Variants in RPL3 observed in about 807,000 individuals in gnomAD.
The protein encoded by RPL3 is large ribosomal subunit protein uL3.
RPL3 carries 3 observed loss-of-function variants against 46.0 expected under a neutral mutation model. The observed-to-expected ratio is 0.07, with a 90% CI of 0.03 to 0.17. RPL3 has a LOEUF of 0.17. RPL3 is among the 10% of genes least tolerant of loss of function. The probability of loss-of-function intolerance (pLI) is 1.00; values close to 1 mark genes in which losing one functional copy is unlikely to be tolerated. For missense variants in RPL3, 387 were observed against 532.7 expected, an observed-to-expected ratio of 0.73 and a Z score of 2.69; for synonymous variants, 224 against 190.8, an observed-to-expected ratio of 1.17 and a Z score of -1.43.
Position 39,314,588 on chromosome 22 carries a change from A to C in RPL3, c.849+98T>G. Reference sequence around the variant, plus strand: ...GCCACTGATGTCCACGTGATGCATAAGCTACAGTCAGTGAAGCAGCACTGA... The same window carrying C: ...GCCACTGATGTCCACGTGATGCATACGCTACAGTCAGTGAAGCAGCACTGA... On this transcript the variant is annotated intron_variant, in intron 6 of 9. Transcript: ENST00000216146. 7 of 1,373,358 alleles carry C rather than the reference A, an allele frequency of 5.1e-6. No individual in the cohort carries two copies. In the South Asian group the frequency reaches 9.5e-5, roughly 19 times the overall value. The allele number at this position is 1,373,358 out of a possible 1,614,324, so 85.1% of individuals were successfully genotyped here.
chr22:39,317,171 T>G (rs987818236), intron 3 of RPL3: 1 of 567,524 alleles, frequency 1.8e-6, no homozygotes, highest in South Asian at 2.1e-5. Context: ...GCCACCCCTA[T>G]AGGGGTTTAA....
At chr22:39,313,766 G>A (rs567835668) in intron 7 of RPL3, 37 bp from the exon 8 acceptor site, 26 of 1,592,398 alleles carry the variant, frequency 1.6e-5, no homozygotes, top group Non-Finnish European at 2.2e-5. Context: ...AGGCCCAGGA[G>A]GGGATTGTCG....
In RPL3 at chr22:39,319,573, C is replaced by T. The variant is rs748450036; in HGVS notation, c.3+22G>A. The T allele has an allele frequency of 3.8e-6, 6 of 1,564,710 alleles. No homozygotes were observed. In the South Asian group the frequency reaches 4.7e-5, roughly 12 times the overall value. ...CGTGCCGACGCCGGTGACAATGAAA[C>T]GGCCGCCATTACAACACATACCATC... On this transcript the variant is annotated intron_variant, in intron 1 of 9. Transcript: ENST00000216146.
intron 2 of RPL3, chr22:39,318,116 C>T (rs1231768593): frequency 9.3e-6 from 4 of 432,322 alleles, no homozygotes; most frequent in Non-Finnish European, 1.7e-5. Context: ...TCCAACCCCC[C>T]ACACTAGTGT....
chr22:39,318,475 C>A lies in RPL3; in HGVS notation c.121G>T (p.Val41Phe), dbSNP rs2146520015. ...TATCCCAGGAAGGCTGTGAGGTGGA[C>A]CGGCTTGGACGGGTCATCCTTAGGG... ...SFPKDDPSKPVHLTAFLGYKA... is the reference protein window; with the variant it reads ...SFPKDDPSKPFHLTAFLGYKA... Residue 41 changes from valine (V) to phenylalanine (F), a missense_variant, in exon 2 of 10, where the codon GTC becomes TTC. Transcript: ENST00000216146. 1 of 1,613,992 alleles carries A rather than the reference C, an allele frequency of 6.2e-7. No individual in the cohort carries two copies. The highest frequency in any genetic ancestry group is 8.5e-7 in the Non-Finnish European group (1 of 1,179,944).
intron 1 of RPL3, 166 bp downstream of exon 1, chr22:39,319,429 G>T: frequency 1.1e-6 from 1 of 935,926 alleles, no homozygotes; most frequent in Non-Finnish European, 1.6e-6. Flanking sequence ...CTCTTCACAA[G>T]CCTCTCGACT....
chr22:39,314,886 C>A, intron 5 of RPL3, 40 bp from the exon 6 acceptor site: 1 of 1,596,508 alleles, frequency 6.3e-7, no homozygotes, highest in Non-Finnish European at 8.6e-7. Flanking sequence ...GCGCCCAGCA[C>A]CTCCCACTGA....
Position 39,314,789 on chromosome 22 carries a change from C to T in RPL3, c.746G>A (p.Arg249His), listed in dbSNP as rs1222108973. The T allele has an allele frequency of 6.2e-7, 1 of 1,613,776 alleles. No homozygotes were observed. ...CCATGCCCCAATACAGGCCACCTTG[C>T]GCAGGCCTCGGTGGGTCTTGCGGGG... ...KLPRKTHRGL[R>H]KVACIGAWHP... The change falls in exon 6 of 10, where the codon CGC becomes CAC. Residue 249 changes from arginine (R) to histidine (H), a missense_variant. By Grantham distance (29) the Arg-to-His change is conservative (BLOSUM62 0). This residue lies in a region of RPL3 where 4 missense variants were observed against 25.6 expected (regional missense o/e 0.16). Coordinates refer to ENST00000216146, the MANE Select transcript of RPL3 (RefSeq NM_000967.4).
chr22:39,315,348 T>C (rs768976499), intron 5 of RPL3, 21 bp downstream of exon 5: 23 of 1,613,874 alleles, frequency 1.4e-5, no homozygotes, highest in Non-Finnish European at 1.9e-5. Context: ...GCACAGCAAC[T>C]CAAGCCACCG....
intron 3 of RPL3, 37 bp downstream of exon 3, chr22:39,317,424 G>T: frequency 6.3e-7 from 1 of 1,596,322 alleles, no homozygotes; most frequent in Non-Finnish European, 8.6e-7. Flanking sequence ...CAGCTCCCAA[G>T]CTCCCAAGCT....
At position 39,317,532 on chromosome 22, in the gene RPL3, G is replaced by T. The variant is rs1255107668; in HGVS notation, c.294C>A (p.Gly98=). The change falls in exon 3 of 10, where the codon GGC becomes GGA. Residue 98 remains glycine, a synonymous_variant. Transcript: ENST00000216146. ...GIVGYVETPR[G]LRTFKTVFAE... The stretch of plus-strand genomic sequence containing the variant: ...CAAAGACAGTCTTGAAGGTCCGGAG[G>T]CCTCGAGGGGTTTCCACGTAGCCCA... 4 of 1,613,946 alleles carry T rather than the reference G, an allele frequency of 2.5e-6. No homozygotes were observed. The highest frequency in any genetic ancestry group is 3.4e-6 in the Non-Finnish European group (4 of 1,179,858).
In RPL3 at chr22:39,313,288, C is replaced by A; in HGVS notation, c.1070G>T (p.Arg357Leu). Residue 357 changes from arginine (R) to leucine (L), a missense_variant, in exon 9 of 10, where the codon CGG (arginine) becomes CTG (leucine). Transcript: ENST00000216146. Reference sequence around the variant, plus strand: ...AAGGTCAATCTTCTCCAGAGCCCGCCGCTTCGTCTGCACCAGCAAGGACTA... The same window carrying A: ...AAGGTCAATCTTCTCCAGAGCCCGCAGCTTCGTCTGCACCAGCAAGGACTA... ...LRKSLLVQTKRRALEKIDLKF... is the reference protein window; with the variant it reads ...LRKSLLVQTKLRALEKIDLKF... 1 of 1,613,754 alleles carries A rather than the reference C, an allele frequency of 6.2e-7. No homozygotes were observed. The highest frequency in any genetic ancestry group is 8.5e-7 in the Non-Finnish European group (1 of 1,179,876).
chr22:39,318,642 C>CT, intron 1 of RPL3, 50 bp from the exon 2 acceptor site: 5 of 1,467,302 alleles, frequency 3.4e-6, no homozygotes, highest in Non-Finnish European at 4.6e-6. Flanking sequence ...GCAGTGCCCC[C>CT]TTCTCTAGTT....
At chr22:39,319,333 T>C (rs1049001444) in intron 1 of RPL3, 6 of 596,856 alleles carry the variant, frequency 1.0e-5, no homozygotes, top group Admixed American at 8.9e-5. Flanking sequence ...ACTCATGGCT[T>C]TAAAAACGCC....
At chr22:39,317,779 ATC>A (rs1569161931) in intron 2 of RPL3, 150 bp from the exon 3 acceptor site, 2 of 771,378 alleles carry the variant, frequency 2.6e-6, no homozygotes, top group Non-Finnish European at 4.2e-6. Context: ...CTTACTGCCT[ATC>A]TCTCATTCAA....
rs756608702 is a variant in RPL3 at position 39,313,166 on chromosome 22, G to A, written c.1167+25C>T. On this transcript the variant is annotated intron_variant, in intron 9 of 9. Transcript: ENST00000216146. ...GGCTGCCCAAGCCACCACACCCAGC[G>A]AGGGGGGCAGGCAGAGGTGCTCACC... is the stretch of plus-strand genomic sequence containing the variant. 2.6e-5 allele frequency: 42 copies of A among 1,605,322 alleles called. No individual in the cohort carries two copies. The South Asian group carries it at 3.3e-4, about 13-fold the overall frequency.
chr22:39,316,694 C>A lies in RPL3; in HGVS notation c.501+12G>T. Reference sequence around the variant, plus strand: ...AGTGGCAGGCCAAGCCACCCCGGGGCACTGGGCTCACCTGGGTGTGGGCAA... The same window carrying A: ...AGTGGCAGGCCAAGCCACCCCGGGGAACTGGGCTCACCTGGGTGTGGGCAA... On this transcript the variant is annotated intron_variant, in intron 4 of 9. Coordinates refer to ENST00000216146, the MANE Select transcript of RPL3 (RefSeq NM_000967.4). 1 of 1,612,078 alleles carries A rather than the reference C, an allele frequency of 6.2e-7. No homozygotes were observed. The highest frequency in any genetic ancestry group is 8.5e-7 in the Non-Finnish European group (1 of 1,179,840).
rs768285158 is a variant in RPL3 at position 39,316,690 on chromosome 22, G to A, written c.501+16C>T. 1.9e-5 allele frequency: 30 copies of A among 1,611,892 alleles called. No individual in the cohort carries two copies. The highest frequency in any genetic ancestry group is 1.8e-4 in the South Asian group (16 of 90,994). ...ACTAAGTGGCAGGCCAAGCCACCCC[G>A]GGGCACTGGGCTCACCTGGGTGTGG... On this transcript the variant is annotated intron_variant, in intron 4 of 9. Transcript: ENST00000216146.
chr22:39,313,870 C>T (rs745869918), intron 7 of RPL3, 141 bp from the exon 8 acceptor site: 14 of 917,444 alleles, frequency 1.5e-5, no homozygotes, highest in Non-Finnish European at 2.2e-5. Flanking sequence ...CTGTCTCGGG[C>T]GCTGTGCCCA....
Sources: gnomAD v4.1 joint callset for allele counts on GRCh38, gnomAD v4.1.1 for gene constraint, gnomAD v4.1.1 regional missense constraint, MANE v1.5 for transcripts, NCBI Gene and HGNC (gene_info 2026-07-23, HGNC 2026-07-21) for gene names.